CNKSR3: variants seen among roughly 807,000 people sequenced by gnomAD.
The protein encoded by CNKSR3 is connector enhancer of kinase suppressor of ras 3.
Under a neutral mutation model 67.7 loss-of-function variants are expected in CNKSR3, and 36 were observed. That is an observed-to-expected ratio of 0.53 (90% confidence interval 0.41 to 0.70). The LOEUF is 0.70. Among genes scored for constraint, CNKSR3 ranks in the 30% least tolerant of loss-of-function variants. CNKSR3 has a pLI of 0.00. For missense variants in CNKSR3, 630 were observed against 695.2 expected (o/e 0.91, Z 1.05); for synonymous variants, 281 against 271.4 (o/e 1.04, Z -0.35).
chr6:154,449,946 T>C, intron 2 of CNKSR3, 149 bp downstream of exon 2: 1 of 747,382 alleles, frequency 1.3e-6, no homozygotes, highest in Non-Finnish European at 2.0e-6. Flanking sequence ...AACTTATTTT[T>C]CCCCTTCCTA....
chr6:154,393,486 T>C lies in CNKSR3; in HGVS notation c.*12868A>G, dbSNP rs929300926. 1 of 152,218 alleles carries C rather than the reference T, an allele frequency of 6.6e-6. No homozygotes were observed. The highest frequency in any genetic ancestry group is 2.4e-5 in the African/African-American group (1 of 41,462). 9.4% of individuals were successfully genotyped at this position (152,218 alleles called of 1,614,324 possible). A position where few individuals can be genotyped will look rare whatever the true frequency, so the allele number is the denominator to read the frequency against. ...GACCATCTGATTCTCTTTTGCAAAA[T>C]GCCTTTTCGCTCGTTTTTGTGTTGA... On this transcript the variant is annotated 3_prime_UTR_variant, in exon 13 of 13. Transcript: ENST00000607772.
At chr6:154,494,382 G>A (rs534308183) in intron 1 of CNKSR3, among the ~76,000 whole-genome samples, 7 of 152,062 alleles carry the variant, frequency 4.6e-5, no homozygotes, top group Non-Finnish European at 1.0e-4. Context: ...TGACACGTGG[G>A]GATTATGGGA....
At chr6:154,457,770 C>T (rs117468069) in intron 1 of CNKSR3, among the ~76,000 whole-genome samples, 1 of 152,240 alleles carries the variant, frequency 6.6e-6, no homozygotes, top group East Asian at 1.9e-4. Flanking sequence ...TTAATTCATC[C>T]TCTATCATTC....
At chr6:154,425,394 T>C (rs1375876273) in intron 7 of CNKSR3, among the ~76,000 whole-genome samples, 1 of 152,228 alleles carries the variant, frequency 6.6e-6, no homozygotes, top group Non-Finnish European at 1.5e-5. Flanking sequence ...AGAGTTGTGT[T>C]TGGCAGAACA....
chr6:154,498,861 T>A (rs1166574788), intron 1 of CNKSR3, among the ~76,000 whole-genome samples: 2 of 152,202 alleles, frequency 1.3e-5, no homozygotes, highest in African/African-American at 4.8e-5. Context: ...TTCCCTCACT[T>A]CTCATCTCCA....
chr6:154,436,655 T>C (rs1208208574), intron 4 of CNKSR3, among the ~76,000 whole-genome samples: 1 of 152,128 alleles, frequency 6.6e-6, no homozygotes, highest in Non-Finnish European at 1.5e-5. Context: ...CTGGCGTCAT[T>C]TTCCTATTTC....
intron 2 of CNKSR3, among the ~76,000 whole-genome samples, chr6:154,449,240 T>A (rs1489873714): frequency 1.3e-5 from 2 of 152,208 alleles, no homozygotes; most frequent in African/African-American, 4.8e-5. Flanking sequence ...ATCACAAATA[T>A]CTGTGAAACT....
At position 154,392,718 on chromosome 6, in the gene CNKSR3, G is replaced by A. The variant is rs1784621743; in HGVS notation, c.*13636C>T. The A allele has an allele frequency of 6.6e-6, 1 of 152,248 alleles. No individual in the cohort carries two copies. Among genetic ancestry groups the A allele is most frequent in the Admixed American group, 6.5e-5 (1 of 15,278 alleles). 9.4% of individuals were successfully genotyped at this position (152,248 alleles called of 1,614,324 possible). A position where few individuals can be genotyped will look rare whatever the true frequency, so the allele number is the denominator to read the frequency against. On this transcript the variant is annotated 3_prime_UTR_variant, in exon 13 of 13. Coordinates refer to ENST00000607772, the MANE Select transcript of CNKSR3 (RefSeq NM_173515.4). Reference sequence around the variant, plus strand: ...TTAGCATCGATGTTTGGGGAACAAGGAGCCCTTGCCTCCCCTGACGGCAGC... The same window carrying A: ...TTAGCATCGATGTTTGGGGAACAAGAAGCCCTTGCCTCCCCTGACGGCAGC...
chr6:154,464,248 G>C (rs949099996), intron 1 of CNKSR3, among the ~76,000 whole-genome samples: 2 of 152,166 alleles, frequency 1.3e-5, no homozygotes, highest in African/African-American at 4.8e-5. Context: ...GCCTCCCTGT[G>C]ATCACTGCAC....
intron 7 of CNKSR3, among the ~76,000 whole-genome samples, chr6:154,423,882 T>C (rs1212874976): frequency 6.6e-6 from 1 of 152,162 alleles, no homozygotes; most frequent in Non-Finnish European, 1.5e-5. Flanking sequence ...AATCCAGACT[T>C]TTTTTCCTTC....
At chr6:154,425,445 C>T (rs547076548) in intron 7 of CNKSR3, among the ~76,000 whole-genome samples, 79 of 152,184 alleles carry the variant, frequency 5.2e-4, no homozygotes, top group Non-Finnish European at 9.1e-4. Context: ...CTGCCCAGGG[C>T]AGTAGCTCTT....
Position 154,486,464 on chromosome 6 carries a change from T to TTTTTATTTTA in CNKSR3, c.52+23589_52+23598dup, listed in dbSNP as rs370678999. On this transcript the variant is annotated intron_variant, in intron 1 of 12. Coordinates refer to ENST00000607772, the MANE Select transcript of CNKSR3 (RefSeq NM_173515.4). ...GGCACGGGCCACCACGCCCAGCTAA[T>TTTTTATTTTA]TTTTATTTTATTTTATTTTATTTTA... 6.5e-3 allele frequency among the ~76,000 whole-genome samples: 955 copies of TTTTTATTTTA among 146,458 alleles called. 44 individuals are homozygous for TTTTTATTTTA. The highest frequency in any genetic ancestry group is 0.017 in the African/African-American group (642 of 36,898).
intron 1 of CNKSR3, among the ~76,000 whole-genome samples, chr6:154,509,217 AG>A (rs1317911529): frequency 6.6e-6 from 1 of 152,124 alleles, no homozygotes; most frequent in Non-Finnish European, 1.5e-5. Flanking sequence ...AGTAAACTCT[AG>A]TACCTTTCCC....
chr6:154,447,885 A>G (rs1479288733), intron 2 of CNKSR3, among the ~76,000 whole-genome samples: 3 of 152,360 alleles, frequency 2.0e-5, no homozygotes, highest in Admixed American at 6.5e-5. Flanking sequence ...TATATGCTAT[A>G]AATGGATTAA....
chr6:154,422,515 A>C lies in CNKSR3; in HGVS notation c.936T>G (p.Pro312=). Residue 312 remains proline, a synonymous_variant, in exon 9 of 13, where the codon CCT becomes CCG. Transcript: ENST00000607772. ...APLKNLRWKP[P]LVQTSPPPAT... is the part of the protein sequence containing the mutation. Reference sequence around the variant, plus strand: ...AGTTAATCCCAGATACCTGTACAAGAGGTGGCTTCCACCGTAGGTTTTTCA... The same window carrying C: ...AGTTAATCCCAGATACCTGTACAAGCGGTGGCTTCCACCGTAGGTTTTTCA... 2 of 1,614,124 alleles carry C rather than the reference A, an allele frequency of 1.2e-6. No individual in the cohort carries two copies. The highest frequency in any genetic ancestry group is 1.7e-6 in the Non-Finnish European group (2 of 1,179,982).
chr6:154,408,608 G>A (rs1405946385), intron 12 of CNKSR3, among the ~76,000 whole-genome samples: 1 of 152,208 alleles, frequency 6.6e-6, no homozygotes, highest in Non-Finnish European at 1.5e-5. Flanking sequence ...GTAGATGAGT[G>A]CCTGTCAGGG....
intron 1 of CNKSR3, among the ~76,000 whole-genome samples, chr6:154,498,019 G>A (rs1224179051): frequency 6.6e-6 from 1 of 152,178 alleles, no homozygotes; most frequent in East Asian, 1.9e-4. Flanking sequence ...CCACTATGGG[G>A]AGGTAAACTC....
At chr6:154,454,955 T>C (rs1435212462) in intron 1 of CNKSR3, among the ~76,000 whole-genome samples, 2 of 152,082 alleles carry the variant, frequency 1.3e-5, no homozygotes, top group Non-Finnish European at 2.9e-5. Context: ...GAGCCTGCAA[T>C]CATCATTGGT....
intron 4 of CNKSR3, among the ~76,000 whole-genome samples, chr6:154,438,815 A>G (rs1785525026): frequency 6.6e-6 from 1 of 152,196 alleles, no homozygotes; most frequent in Admixed American, 6.5e-5. Context: ...TTTCGTTCAT[A>G]TAACACACAT....
Sources: allele counts gnomAD v4.1 joint callset (sites outside exome capture counted in the v4.1 genomes callset), GRCh38; gene constraint gnomAD v4.1.1; transcripts MANE v1.5; gene names NCBI Gene and HGNC (gene_info 2026-07-23, HGNC 2026-07-21).